GLIS3: variants seen among roughly 807,000 people sequenced by gnomAD.
GLIS3 encodes GLIS family zinc finger 3, also known as zinc finger protein GLIS3.
In GLIS3, 53 loss-of-function variants were observed where a neutral mutation model predicts 78.6. The ratio of observed to expected loss-of-function variants is 0.67; its 90% confidence interval spans 0.54 to 0.85. The LOEUF (loss-of-function observed/expected upper bound fraction) is 0.85, where lower values mean the gene tolerates loss of function less well. GLIS3 is among the 40% of genes least tolerant of loss of function. The pLI, the probability that GLIS3 is intolerant of heterozygous loss-of-function variation, is 0.00. For missense variants in GLIS3, 1,703 were observed against 1,231.1 expected (o/e 1.38, Z -5.74); for synonymous variants, 684 against 509.9 (o/e 1.34, Z -4.60).
intron 4 of GLIS3, among the ~76,000 whole-genome samples, chr9:4,109,693 T>A (rs895164350): frequency 1.4e-4 from 21 of 152,202 alleles, no homozygotes; most frequent in African/African-American, 4.3e-4. Flanking sequence ...AGGTTTCCAA[T>A]TCCTAAACAT....
chr9:4,033,150 G>C (rs995457730), intron 4 of GLIS3, among the ~76,000 whole-genome samples: 8 of 152,144 alleles, frequency 5.3e-5, no homozygotes, highest in African/African-American at 1.7e-4. Context: ...ACCACACCTG[G>C]CTGGAATTGA....
intron 2 of GLIS3, among the ~76,000 whole-genome samples, chr9:4,197,458 C>T (rs1001290363): frequency 1.3e-5 from 2 of 152,144 alleles, no homozygotes; most frequent in Admixed American, 6.5e-5. Context: ...AGGCTGCCCC[C>T]CTGCCCCCAC....
intron 2 of GLIS3, among the ~76,000 whole-genome samples, chr9:4,166,588 A>G (rs1815860604): frequency 6.6e-6 from 1 of 152,234 alleles, no homozygotes; most frequent in South Asian, 2.1e-4. Flanking sequence ...CAACCTTGGA[A>G]AGGCCCCTTC....
At chr9:4,010,978 A>G (rs751300768) in intron 4 of GLIS3, among the ~76,000 whole-genome samples, 1 of 152,314 alleles carries the variant, frequency 6.6e-6, no homozygotes, top group South Asian at 2.1e-4. Context: ...TTTTTAAAAA[A>G]TTGCAAAAGA....
At chr9:4,224,292 G>A (rs917200558) in intron 2 of GLIS3, among the ~76,000 whole-genome samples, 15 of 152,128 alleles carry the variant, frequency 9.9e-5, no homozygotes, top group South Asian at 2.1e-4. Context: ...ATATTCAATC[G>A]TGATGATAAC....
chr9:4,274,404 ATT>A (rs1826801118), intron 2 of GLIS3, among the ~76,000 whole-genome samples: 1 of 152,024 alleles, frequency 6.6e-6, no homozygotes, highest in African/African-American at 2.4e-5. Flanking sequence ...GCACAGGGAT[ATT>A]CTCAGGGCAA....
intron 2 of GLIS3, among the ~76,000 whole-genome samples, chr9:4,151,314 G>A (rs1586818061): frequency 6.6e-6 from 1 of 152,124 alleles, no homozygotes; most frequent in African/African-American, 2.4e-5. Flanking sequence ...TTAAAAAGAG[G>A]TTCAGTTTGA....
chr9:4,107,333 G>C (rs1830836892), intron 4 of GLIS3, among the ~76,000 whole-genome samples: 1 of 152,090 alleles, frequency 6.6e-6, no homozygotes, highest in Non-Finnish European at 1.5e-5. Context: ...AACTGCCCTT[G>C]CAGTTAGTTG....
At chr9:3,880,341 G>C (rs955063530) in intron 7 of GLIS3, among the ~76,000 whole-genome samples, 4 of 152,158 alleles carry the variant, frequency 2.6e-5, no homozygotes. Context: ...ACGTGAATAC[G>C]TGCCCATTTA....
chr9:4,465,556 T>A, the GLIS3 span, among the ~76,000 whole-genome samples: 110,266 of 151,910 alleles, frequency 0.73, 40,342 homozygotes, highest in Middle Eastern at 0.84. Context: ...CTCAAAAAAA[T>A]ATAAAAAAGA....
chr9:3,910,563 C>G (rs896881999), intron 6 of GLIS3, among the ~76,000 whole-genome samples: 1 of 152,190 alleles, frequency 6.6e-6, no homozygotes, highest in African/African-American at 2.4e-5. Context: ...GTTGCTCAGG[C>G]TAGTCTCAAA....
At chr9:4,256,869 C>G (rs1431341405) in intron 2 of GLIS3, among the ~76,000 whole-genome samples, 1 of 152,156 alleles carries the variant, frequency 6.6e-6, no homozygotes, top group African/African-American at 2.4e-5. Context: ...GAAAGGAAAT[C>G]ACTGTCTTGT....
chr9:4,164,569 C>G (rs1205992586), intron 2 of GLIS3, among the ~76,000 whole-genome samples: 2 of 152,182 alleles, frequency 1.3e-5, no homozygotes, highest in Non-Finnish European at 2.9e-5. Flanking sequence ...CACTTCTCCC[C>G]ACAGCTGCCT....
intron 4 of GLIS3, among the ~76,000 whole-genome samples, chr9:3,966,027 A>T (rs1036795565): frequency 6.6e-6 from 1 of 152,254 alleles, no homozygotes; most frequent in African/African-American, 2.4e-5. Context: ...CTAATGAATG[A>T]TAATTTTCAT....
the GLIS3 span, among the ~76,000 whole-genome samples, chr9:4,397,227 G>A: frequency 3.5e-5 from 5 of 142,518 alleles, no homozygotes; most frequent in Admixed American, 7.0e-5. Flanking sequence ...GGGTTTCACC[G>A]TTTTAGCCGG....
intron 4 of GLIS3, among the ~76,000 whole-genome samples, chr9:3,940,380 T>C (rs1227501996): frequency 5.3e-5 from 8 of 152,130 alleles, no homozygotes; most frequent in Non-Finnish European, 1.2e-4. Context: ...TTTCCTTGGG[T>C]TTGGCCAGAT....
At chr9:3,962,472 G>A (rs1207098213) in intron 4 of GLIS3, among the ~76,000 whole-genome samples, 2 of 151,820 alleles carry the variant, frequency 1.3e-5, no homozygotes, top group African/African-American at 4.8e-5. Flanking sequence ...TTTTAAAGGG[G>A]GTACCAGTTC....
chr9:4,461,140 G>T, the GLIS3 span, among the ~76,000 whole-genome samples: 1 of 152,268 alleles, frequency 6.6e-6, no homozygotes, highest in South Asian at 2.1e-4. Flanking sequence ...CCTTTTAAAT[G>T]AACCATGCAA....
chr9:4,084,477 C>T (rs1828847517), intron 4 of GLIS3, among the ~76,000 whole-genome samples: 1 of 152,032 alleles, frequency 6.6e-6, no homozygotes, highest in South Asian at 2.1e-4. Flanking sequence ...AAGAAACAGC[C>T]ACGGGAAAGG....
Sources: allele counts gnomAD v4.1 joint callset (sites outside exome capture counted in the v4.1 genomes callset), GRCh38; gene constraint gnomAD v4.1.1; transcripts MANE v1.5; gene names NCBI Gene and HGNC (gene_info 2026-07-23, HGNC 2026-07-21).